FBXL17: variants seen among roughly 807,000 people sequenced by gnomAD.
FBXL17 encodes F-box/LRR-repeat protein 17.
Under a neutral mutation model 66.2 loss-of-function variants are expected in FBXL17, and 22 were observed. The ratio of observed to expected loss-of-function variants is 0.33; its 90% CI spans 0.24 to 0.47. The LOEUF is 0.47. Ranked by LOEUF, FBXL17 falls within the 20% of genes least tolerant of loss-of-function variation. FBXL17 has a pLI of 1.00. For synonymous variants in FBXL17, 474 were observed against 400.5 expected, an observed-to-expected ratio of 1.18 and a Z score of -2.19; for missense variants, 878 against 948.2, an observed-to-expected ratio of 0.93 and a Z score of 0.97.
At chr5:107,965,038 C>T (rs1459936543) in intron 7 of FBXL17, among the ~76,000 whole-genome samples, 6 of 152,070 alleles carry the variant, frequency 3.9e-5, no homozygotes, top group Non-Finnish European at 4.4e-5. Flanking sequence ...CACCAGGACC[C>T]TAAATCAGTG....
At chr5:108,232,805 A>ATATATATATATATATATAAT (rs70996987) in intron 4 of FBXL17, among the ~76,000 whole-genome samples, 3 of 105,170 alleles carry the variant, frequency 2.9e-5, no homozygotes, top group Non-Finnish European at 6.1e-5. Context: ...ATATATATAT[A>ATATATATATATATATATAAT]ATATATACTA....
At chr5:108,254,878 C>G (rs903193019) in intron 4 of FBXL17, among the ~76,000 whole-genome samples, 4 of 152,154 alleles carry the variant, frequency 2.6e-5, no homozygotes, top group African/African-American at 9.7e-5. Flanking sequence ...CTTAAACTGC[C>G]TATCTACATA....
chr5:107,881,256 A>C, intron 7 of FBXL17, 77 bp from the exon 8 acceptor site: 3 of 800,742 alleles, frequency 3.7e-6, no homozygotes, highest in Non-Finnish European at 3.8e-6. Flanking sequence ...TATTCATCTC[A>C]TTTCCTCACT....
chr5:107,935,446 C>T (rs951587404), intron 7 of FBXL17, among the ~76,000 whole-genome samples: 7 of 138,752 alleles, frequency 5.0e-5, no homozygotes, highest in Non-Finnish European at 9.6e-5. Flanking sequence ...TATGTGTGCG[C>T]GCCTTATCTC....
chr5:108,107,640 A>G (rs892670557), intron 6 of FBXL17, among the ~76,000 whole-genome samples: 52 of 151,652 alleles, frequency 3.4e-4, no homozygotes, highest in South Asian at 6.3e-4. Flanking sequence ...GTGAAACCCC[A>G]TCTCTACTAA....
intron 8 of FBXL17, among the ~76,000 whole-genome samples, chr5:107,870,077 G>A (rs997479120): frequency 6.6e-6 from 1 of 152,216 alleles, no homozygotes; most frequent in Admixed American, 6.5e-5. Flanking sequence ...AGTTATATCG[G>A]AGTCTTGGTG....
At chr5:108,359,987 T>C (rs1004276827) in intron 3 of FBXL17, among the ~76,000 whole-genome samples, 11 of 152,162 alleles carry the variant, frequency 7.2e-5, no homozygotes, top group African/African-American at 2.2e-4. Context: ...TAGGTACATA[T>C]GTGGTTATAA....
chr5:108,155,727 G>A (rs938803436), intron 6 of FBXL17, among the ~76,000 whole-genome samples: 5 of 151,752 alleles, frequency 3.3e-5, no homozygotes, highest in Admixed American at 6.6e-5. Flanking sequence ...TTCTGTAAAC[G>A]CCTAAAATGC....
intron 7 of FBXL17, among the ~76,000 whole-genome samples, chr5:107,906,688 A>G (rs1237912429): frequency 6.6e-6 from 1 of 152,186 alleles, no homozygotes; most frequent in Non-Finnish European, 1.5e-5. Flanking sequence ...CATAAGGTAA[A>G]AACATTTGAG....
At chr5:108,359,720 GTCTA>G (rs969435387) in intron 3 of FBXL17, among the ~76,000 whole-genome samples, 6 of 151,940 alleles carry the variant, frequency 3.9e-5, no homozygotes, top group East Asian at 1.9e-4. Context: ...CAAACATATG[GTCTA>G]TCTGTGAGAC....
chr5:108,302,000 C>A lies in FBXL17; in HGVS notation c.1506+46399G>T, dbSNP rs898415541. The stretch of plus-strand genomic sequence containing the variant: ...CCTCCTAGTAGGACAGGCAATCCAA[C>A]CATTTCTCATGTCGTGATTGGAATA... On this transcript the variant is annotated intron_variant, in intron 4 of 8. Transcript: ENST00000542267. The A allele has an allele frequency of 1.1e-5, 11 of 984,398 alleles. No homozygotes were observed. The South Asian group carries it at 4.7e-4, about 42-fold the overall frequency. The allele number at this position is 984,398 out of a possible 1,614,324, so 61.0% of individuals were successfully genotyped here.
At chr5:108,006,310 G>A (rs1049660629) in intron 7 of FBXL17, among the ~76,000 whole-genome samples, 7 of 152,146 alleles carry the variant, frequency 4.6e-5, no homozygotes, top group South Asian at 2.1e-4. Context: ...GACAAATAGC[G>A]GATACAGTTA....
chr5:108,381,593 C>A lies in FBXL17; in HGVS notation c.99G>T (p.Leu33=). 1 of 1,461,394 alleles carries A rather than the reference C, an allele frequency of 6.8e-7. No homozygotes were observed. Among genetic ancestry groups the A allele is most frequent in the Non-Finnish European group, 9.0e-7 (1 of 1,113,736 alleles). 90.5% of individuals were successfully genotyped at this position (1,461,394 alleles called of 1,614,324 possible). A position where few individuals can be genotyped will look rare whatever the true frequency, so the allele number is the denominator to read the frequency against. Reference sequence around the variant, plus strand: ...GCACCTTGGCTGGGGTCCGGCGGGGCAGCCTGAGGAGAGGGCGCCGGCGGC... The same window carrying A: ...GCACCTTGGCTGGGGTCCGGCGGGGAAGCCTGAGGAGAGGGCGCCGGCGGC... ...WCRRRRPLLR[L]PRRTPAKVPP... is the part of the protein sequence containing the mutation. Residue 33 remains leucine (L), a synonymous_variant, in exon 1 of 9, where the codon CTG becomes CTT. Coordinates refer to ENST00000542267, the MANE Select transcript of FBXL17 (RefSeq NM_001163315.3).
At chr5:108,329,966 T>C (rs1164840579) in intron 4 of FBXL17, among the ~76,000 whole-genome samples, 1 of 151,928 alleles carries the variant, frequency 6.6e-6, no homozygotes, top group Non-Finnish European at 1.5e-5. Context: ...ATAAAATCAG[T>C]AGACCAGCAT....
Position 108,290,710 on chromosome 5 carries a change from T to C in FBXL17, c.1506+57689A>G, listed in dbSNP as rs559062082. Among the ~76,000 whole-genome samples, 8 of 152,304 alleles carry C rather than the reference T, an allele frequency of 5.3e-5. No homozygotes were observed. The South Asian group carries it at 1.7e-3, about 32-fold the overall frequency. On this transcript the variant is annotated intron_variant, in intron 4 of 8. Coordinates refer to ENST00000542267, the MANE Select transcript of FBXL17 (RefSeq NM_001163315.3). ...CTGATCTCCATTTATTTAGATCCTA[T>C]ATCTTTCAACAAAGTTGTATAATTT...
chr5:107,963,169 CCAGA>C (rs1184905282), intron 7 of FBXL17, among the ~76,000 whole-genome samples: 2 of 152,040 alleles, frequency 1.3e-5, no homozygotes, highest in African/African-American at 4.8e-5. Context: ...AAGAACTTTA[CCAGA>C]CAGAGTATTT....
intron 6 of FBXL17, among the ~76,000 whole-genome samples, chr5:108,035,885 A>C (rs1249854839): frequency 6.6e-6 from 1 of 152,202 alleles, no homozygotes; most frequent in Non-Finnish European, 1.5e-5. Flanking sequence ...GACCTGGGAA[A>C]AAAATATGGT....
At chr5:108,141,046 T>A (rs1263953440) in intron 6 of FBXL17, among the ~76,000 whole-genome samples, 2 of 152,194 alleles carry the variant, frequency 1.3e-5, no homozygotes, top group Non-Finnish European at 2.9e-5. Context: ...GATGATATCA[T>A]TCCCCTATTC....
intron 7 of FBXL17, among the ~76,000 whole-genome samples, chr5:107,919,329 T>C (rs899576375): frequency 1.3e-5 from 2 of 152,146 alleles, no homozygotes; most frequent in Non-Finnish European, 2.9e-5. Context: ...CCAATTCCTT[T>C]GCTCCCACTT....
Sources: allele counts gnomAD v4.1 joint callset (sites outside exome capture counted in the v4.1 genomes callset), GRCh38; gene constraint gnomAD v4.1.1; transcripts MANE v1.5; gene names NCBI Gene and HGNC (gene_info 2026-07-23, HGNC 2026-07-21).